Variants in APCDD1 observed in about 807,000 individuals in gnomAD.
The protein encoded by APCDD1 is APC down-regulated 1.
Under a neutral mutation model 38.1 loss-of-function variants are expected in APCDD1, and 15 were observed. That is an observed-to-expected ratio of 0.39 (90% CI 0.26 to 0.61). The LOEUF is 0.61. Among genes scored for constraint, APCDD1 ranks in the 20% least tolerant of loss-of-function variants. The pLI is 0.49. For missense variants in APCDD1, 647 were observed against 696.2 expected, an observed-to-expected ratio of 0.93 and a Z score of 0.79; for synonymous variants, 261 against 279.7, an observed-to-expected ratio of 0.93 and a Z score of 0.67.
intron 4 of APCDD1, among the ~76,000 whole-genome samples, chr18:10,486,594 G>A (rs1420551006): frequency 6.6e-6 from 1 of 152,168 alleles, no homozygotes; most frequent in Non-Finnish European, 1.5e-5. Flanking sequence ...TCTGTGGGAA[G>A]GTTCAGGCTG....
In APCDD1 at chr18:10,487,639, C is replaced by T. The variant is rs1402132790; in HGVS notation, c.1146C>T (p.Leu382=). Residue 382 remains leucine (L), a synonymous_variant, in exon 5 of 5, where the codon CTC becomes CTT. Transcript: ENST00000355285. ...TGGATGCGGCCACAGCCTCACTGCT[C>T]AACGTCTTCAACGGGAATGAGTGCG... ...TPMDAATASL[L]NVFNGNECGA... 2 of 1,614,066 alleles carry T rather than the reference C, an allele frequency of 1.2e-6. No individual in the cohort carries two copies. Among genetic ancestry groups the T allele is most frequent in the Non-Finnish European group, 1.7e-6 (2 of 1,180,052 alleles).
At chr18:10,463,604 C>T (rs28667558) in intron 1 of APCDD1, among the ~76,000 whole-genome samples, 3,440 of 152,198 alleles carry the variant, frequency 0.023, 121 homozygotes, top group African/African-American at 0.079. Context: ...TAATTCCCAG[C>T]CATTTAACAG....
intron 1 of APCDD1, among the ~76,000 whole-genome samples, chr18:10,464,874 G>A (rs923160576): frequency 6.6e-6 from 1 of 152,186 alleles, no homozygotes; most frequent in African/African-American, 2.4e-5. Context: ...AGCTCAGAGT[G>A]AGCCTGGCTC....
chr18:10,462,799 G>T (rs1053426496), intron 1 of APCDD1, among the ~76,000 whole-genome samples: 4 of 151,878 alleles, frequency 2.6e-5, no homozygotes, highest in African/African-American at 9.7e-5. Context: ...AGTTTGTTGG[G>T]AGCTGTTCCC....
Position 10,471,161 on chromosome 18 carries a change from G to T in APCDD1, c.243-369G>T, listed in dbSNP as rs1315094061. On this transcript the variant is annotated intron_variant, in intron 2 of 4. Coordinates refer to ENST00000355285, the MANE Select transcript of APCDD1 (RefSeq NM_153000.5). This position sits in a 1 kb window ranked among gnomAD's most constrained non-coding sequence, Gnocchi z 5.5. ...CAGAAAGAAATGCCTGCACAGGGCA[G>T]CAGGTGTTTGCCCTCCTGGCCTGCT... 1.3e-5 allele frequency among the ~76,000 whole-genome samples: 2 copies of T among 152,276 alleles called. No individual in the cohort carries two copies. Among genetic ancestry groups the T allele is most frequent in the Non-Finnish European group, 2.9e-5 (2 of 68,046 alleles).
chr18:10,459,313 C>T (rs902167464), intron 1 of APCDD1, among the ~76,000 whole-genome samples: 4 of 104,604 alleles, frequency 3.8e-5, no homozygotes, highest in Admixed American at 9.5e-5. Flanking sequence ...ATCCCACAAG[C>T]GTGCACACAC....
chr18:10,460,410 G>A (rs1012922679), intron 1 of APCDD1, among the ~76,000 whole-genome samples: 9 of 152,166 alleles, frequency 5.9e-5, no homozygotes, highest in Admixed American at 3.9e-4. Flanking sequence ...GCGCATGCCT[G>A]TAATTCCAGC....
At chr18:10,457,652 AG>A (rs1334103423) in intron 1 of APCDD1, among the ~76,000 whole-genome samples, 1 of 152,218 alleles carries the variant, frequency 6.6e-6, no homozygotes, top group African/African-American at 2.4e-5. Flanking sequence ...CATCATTTAG[AG>A]ATTTATTTGT....
rs1360380735 is a variant in APCDD1, at chr18:10,454,914, C to A, written c.-68C>A. 2 of 1,450,856 alleles carry A rather than the reference C, an allele frequency of 1.4e-6. No homozygotes were observed. The highest frequency in any genetic ancestry group is 2.4e-5 in the Admixed American group (1 of 41,278). 89.9% of individuals were successfully genotyped at this position (1,450,856 alleles called of 1,614,324 possible). ...ACCCGGCCGGAGGCGGAGGGCAGAGCGCGCGCCCAGTTGCCCGGGCACCAA... is the reference window on the plus strand; with the variant it reads ...ACCCGGCCGGAGGCGGAGGGCAGAGAGCGCGCCCAGTTGCCCGGGCACCAA... On this transcript the variant is annotated 5_prime_UTR_variant, in exon 1 of 5. Coordinates refer to ENST00000355285, the MANE Select transcript of APCDD1 (RefSeq NM_153000.5).
At position 10,485,361 on chromosome 18, in the gene APCDD1, G is replaced by A. The variant is rs1040696489; in HGVS notation, c.775-101G>A. 4 of 1,310,484 alleles carry A rather than the reference G, an allele frequency of 3.1e-6. No individual in the cohort carries two copies. The highest frequency in any genetic ancestry group is 4.4e-6 in the Non-Finnish European group (4 of 916,144). 81.2% of individuals were successfully genotyped at this position (1,310,484 alleles called of 1,614,324 possible). ...TCTTGGTGTCGAGGTTGTCAGTGAT[G>A]GTGATCTGGTGCCTGGTGAGACCCC... On this transcript the variant is annotated intron_variant, in intron 3 of 4. Coordinates refer to ENST00000355285, the MANE Select transcript of APCDD1 (RefSeq NM_153000.5). This position sits in a 1 kb window ranked among gnomAD's most constrained non-coding sequence, Gnocchi z 5.8.
At chr18:10,483,099 G>T (rs924012522) in intron 3 of APCDD1, among the ~76,000 whole-genome samples, 5 of 152,236 alleles carry the variant, frequency 3.3e-5, no homozygotes, top group African/African-American at 1.2e-4. Flanking sequence ...AAATGAGGAA[G>T]TTGAAATGGA....
chr18:10,462,492 CCCTT>C (rs1187919283), intron 1 of APCDD1, among the ~76,000 whole-genome samples: 461 of 5,606 alleles, frequency 0.082, 46 homozygotes, highest in Middle Eastern at 0.17. Flanking sequence ...CTGTGACCCT[CCCTT>C]CCTTCCTTCC....
Position 10,472,142 on chromosome 18 carries a change from G to T in APCDD1, c.774+81G>T. ...AAAGGCTTGCCATGGGGGCTCTAGG[G>T]CACCCTTGAAAGGGGGAATTCTGCA... On this transcript the variant is annotated intron_variant, in intron 3 of 4. Coordinates refer to ENST00000355285, the MANE Select transcript of APCDD1 (RefSeq NM_153000.5). The surrounding 1 kb of genome is among the most constrained non-coding windows in gnomAD (Gnocchi z 6.6). The T allele has an allele frequency of 6.3e-7, 1 of 1,589,244 alleles. No individual in the cohort carries two copies. The highest frequency in any genetic ancestry group is 1.3e-5 in the African/African-American group (1 of 74,572).
chr18:10,475,092 G>A lies in APCDD1; in HGVS notation c.774+3031G>A, dbSNP rs776543436. Among the ~76,000 whole-genome samples, 6 of 152,178 alleles carry A rather than the reference G, an allele frequency of 3.9e-5. No individual in the cohort carries two copies. The highest frequency in any genetic ancestry group is 7.3e-5 in the Non-Finnish European group (5 of 68,036). On this transcript the variant is annotated intron_variant, in intron 3 of 4. Transcript: ENST00000355285. The surrounding 1 kb of genome is among the most constrained non-coding windows in gnomAD (Gnocchi z 4.0). ...AGGGTTAATGTGCAGAATCCTGTGG[G>A]CATCAGGATAGGGCCTGAATGCAAA...
intron 1 of APCDD1, among the ~76,000 whole-genome samples, chr18:10,462,288 G>A (rs918111112): frequency 1.3e-5 from 2 of 152,214 alleles, no homozygotes; most frequent in African/African-American, 4.8e-5. Flanking sequence ...ACACTGGGAT[G>A]ATTGATTTAT....
At position 10,478,992 on chromosome 18, in the gene APCDD1, G is replaced by A. The variant is rs183939793; in HGVS notation, c.775-6470G>A. Among the ~76,000 whole-genome samples the A allele has an allele frequency of 7.9e-5, 12 of 152,238 alleles. No individual in the cohort carries two copies. In the South Asian group the frequency reaches 1.2e-3, roughly 16 times the overall value. ...CATGTCCAATGCCAGCTTTCTCTCC[G>A]TTTGCCTGTTAGCCGAGAACCCTGT... On this transcript the variant is annotated intron_variant, in intron 3 of 4. Coordinates refer to ENST00000355285, the MANE Select transcript of APCDD1 (RefSeq NM_153000.5).
rs945875943 is a variant in APCDD1 at position 10,468,545 on chromosome 18, G to A, written c.135G>A (p.Arg45=). The change falls in exon 2 of 5, where the codon AGG becomes AGA. Residue 45 remains arginine, a synonymous_variant. Transcript: ENST00000355285. ...GGTCCTTAGAGAAAAGTGCCTGGAG[G>A]GCTTTTAAGGAGTCACAGTGCCATC... ...HPRSLEKSAW[R]AFKESQCHHM... 6.2e-7 allele frequency: 1 copy of A among 1,614,118 alleles called. No individual in the cohort carries two copies.
Position 10,470,231 on chromosome 18 carries a change from A to G in APCDD1, c.243-1299A>G, listed in dbSNP as rs554006147. ...TCAACAGACTGTTGATGCTTAGATT[A>G]AAAAATTAAACAAAAGGGATCTTCT... is the stretch of plus-strand genomic sequence containing the variant. On this transcript the variant is annotated intron_variant, in intron 2 of 4. Coordinates refer to ENST00000355285, the MANE Select transcript of APCDD1 (RefSeq NM_153000.5). This position sits in a 1 kb window ranked among gnomAD's most constrained non-coding sequence, Gnocchi z 4.1. Among the ~76,000 whole-genome samples, 1 of 152,304 alleles carries G rather than the reference A, an allele frequency of 6.6e-6. No individual in the cohort carries two copies. The highest frequency in any genetic ancestry group is 2.4e-5 in the African/African-American group (1 of 41,566).
intron 2 of APCDD1, among the ~76,000 whole-genome samples, 185 bp downstream of exon 2, chr18:10,468,837 T>C (rs1285674272): frequency 6.6e-6 from 1 of 152,246 alleles, no homozygotes; most frequent in African/African-American, 2.4e-5. Context: ...CTAAGTACTG[T>C]AGAAATCTTA....
Sources: allele counts gnomAD v4.1 joint callset (sites outside exome capture counted in the v4.1 genomes callset), GRCh38; gene constraint gnomAD v4.1.1; non-coding constraint Gnocchi (gnomAD v3.1); transcripts MANE v1.5; gene names NCBI Gene and HGNC (gene_info 2026-07-23, HGNC 2026-07-21).